Variants in DYNC1LI2 observed in about 807,000 individuals in gnomAD.
DYNC1LI2 encodes cytoplasmic dynein 1 light intermediate chain 2.
A neutral mutation model predicts 57.8 loss-of-function variants in DYNC1LI2; 19 were observed. That is an observed-to-expected ratio of 0.33 (90% CI 0.23 to 0.48). The LOEUF is 0.48. DYNC1LI2 is among the 20% of genes least tolerant of loss of function. DYNC1LI2 has a pLI of 0.99. For synonymous variants in DYNC1LI2, 256 were observed against 233.4 expected (o/e 1.10, Z -0.88); for missense variants, 470 against 604.2 (o/e 0.78, Z 2.33).
intron 3 of DYNC1LI2, 23 bp downstream of exon 3, chr16:66,749,174 C>A: frequency 6.2e-7 from 1 of 1,611,970 alleles, no homozygotes; most frequent in Non-Finnish European, 8.5e-7. Flanking sequence ...ACCCCCTTAC[C>A]ATGGGACCAA....
Position 66,751,334 on chromosome 16 carries a change from C to A in DYNC1LI2, c.120G>T (p.Leu40=). Residue 40 remains leucine, a synonymous_variant, in exon 2 of 13, where the codon CTG becomes CTT. Transcript: ENST00000258198. The surrounding 1 kb of genome is among the most constrained non-coding windows in gnomAD (Gnocchi z 5.2). ...EEGQSLWSSI[L]SEVSTRARSK... is the part of the protein sequence containing the mutation. Reference sequence around the variant, plus strand: ...ACCTGGCGCGGGTGGACACTTCGCTCAGAATGGAGGACCTGTGGCGACAAT... The same window carrying A: ...ACCTGGCGCGGGTGGACACTTCGCTAAGAATGGAGGACCTGTGGCGACAAT... The A allele has an allele frequency of 6.2e-7, 1 of 1,612,134 alleles. No individual in the cohort carries two copies. Among genetic ancestry groups the A allele is most frequent in the Non-Finnish European group, 8.5e-7 (1 of 1,179,070 alleles).
Position 66,725,823 on chromosome 16 carries a change from T to C in DYNC1LI2, c.1378+5A>G. 1 of 1,611,974 alleles carries C rather than the reference T, an allele frequency of 6.2e-7. No individual in the cohort carries two copies. The highest frequency in any genetic ancestry group is 8.5e-7 in the Non-Finnish European group (1 of 1,179,330). On this transcript the variant is annotated splice_donor_5th_base_variant and intron_variant, in intron 12 of 12. Coordinates refer to ENST00000258198, the MANE Select transcript of DYNC1LI2 (RefSeq NM_006141.3). The stretch of plus-strand genomic sequence containing the variant: ...GAGTCACAAGTCTCCAGGGCCCTTC[T>C]GTACCTGACTTCTTGGCTGTGCTCT...
chr16:66,728,381 CA>C, intron 9 of DYNC1LI2, 139 bp from the exon 10 acceptor site: 3 of 931,492 alleles, frequency 3.2e-6, no homozygotes, highest in Admixed American at 2.5e-5. Context: ...CCACAGATGC[CA>C]AAAAATTTTA....
intron 3 of DYNC1LI2, among the ~76,000 whole-genome samples, chr16:66,744,958 G>A (rs1567456942): frequency 6.6e-6 from 1 of 152,042 alleles, no homozygotes; most frequent in Non-Finnish European, 1.5e-5. Context: ...TGTCACCCAG[G>A]TTGGAATGCA....
At chr16:66,740,895 G>A (rs2017824342) in intron 4 of DYNC1LI2, among the ~76,000 whole-genome samples, 2 of 152,178 alleles carry the variant, frequency 1.3e-5, no homozygotes, top group Non-Finnish European at 2.9e-5. Context: ...ATAACCCTCA[G>A]TCTTGTTTAA....
chr16:66,724,113 T>C (rs558109734), intron 12 of DYNC1LI2, among the ~76,000 whole-genome samples: 23 of 152,178 alleles, frequency 1.5e-4, no homozygotes, highest in Non-Finnish European at 2.9e-4. Context: ...GAAAACCCTC[T>C]CACCACCCAA....
At chr16:66,738,556 A>T (rs2017779485) in intron 4 of DYNC1LI2, among the ~76,000 whole-genome samples, 1 of 151,884 alleles carries the variant, frequency 6.6e-6, no homozygotes, top group Admixed American at 6.6e-5. Flanking sequence ...GGCCTACAGC[A>T]TCTCTTTAAT....
At chr16:66,739,834 C>T (rs1158640818) in intron 4 of DYNC1LI2, among the ~76,000 whole-genome samples, 2 of 152,174 alleles carry the variant, frequency 1.3e-5, no homozygotes, top group South Asian at 2.1e-4. Context: ...GATAGTAAAA[C>T]GTGCATTTTT....
At chr16:66,746,671 C>T (rs1027130702) in intron 3 of DYNC1LI2, among the ~76,000 whole-genome samples, 1 of 152,086 alleles carries the variant, frequency 6.6e-6, no homozygotes, top group African/African-American at 2.4e-5. Flanking sequence ...TAGAGATTCA[C>T]AGATTACCTA....
In DYNC1LI2 at chr16:66,730,202, T is replaced by C; in HGVS notation, c.951A>G (p.Glu317=). Residue 317 remains glutamate (E), a synonymous_variant, in exon 8 of 13, where the codon GAA becomes GAG. Transcript: ENST00000258198. The part of the protein sequence containing the change: ...AVFIPAGWDN[E]KKIAILHENF... ...TTTCATGTAAAATAGCTATTTTCTT[T>C]TCATTGTCCCAGCCTGCAGGTCTAA... The C allele has an allele frequency of 6.2e-7, 1 of 1,613,982 alleles. No homozygotes were observed. Among genetic ancestry groups the C allele is most frequent in the South Asian group, 1.1e-5 (1 of 91,060 alleles).
At chr16:66,727,952 G>A in intron 10 of DYNC1LI2, 147 bp from the exon 11 acceptor site, 3 of 866,620 alleles carry the variant, frequency 3.5e-6, no homozygotes, top group African/African-American at 1.7e-5. Context: ...GCCCTTTCTG[G>A]CTCTCTTTCT....
At chr16:66,724,188 G>A (rs1267661712) in intron 12 of DYNC1LI2, among the ~76,000 whole-genome samples, 1 of 152,146 alleles carries the variant, frequency 6.6e-6, no homozygotes, top group Non-Finnish European at 1.5e-5. Flanking sequence ...CAGCAACGAA[G>A]GAAACTATTT....
chr16:66,726,684 C>A (rs1229840664), intron 11 of DYNC1LI2, among the ~76,000 whole-genome samples: 2 of 152,186 alleles, frequency 1.3e-5, no homozygotes, highest in Non-Finnish European at 2.9e-5. Flanking sequence ...CTCTGTCACC[C>A]AGGCTGGAGT....
At chr16:66,734,754 T>C (rs1170485044) in intron 5 of DYNC1LI2, among the ~76,000 whole-genome samples, 1 of 151,864 alleles carries the variant, frequency 6.6e-6, no homozygotes, top group Non-Finnish European at 1.5e-5. Flanking sequence ...CCCAACACTC[T>C]GGGAGGTCAA....
chr16:66,751,240 G>A lies in DYNC1LI2; in HGVS notation c.181+33C>T, dbSNP rs771194059. On this transcript the variant is annotated intron_variant, in intron 2 of 12. Transcript: ENST00000258198. This position sits in a 1 kb window ranked among gnomAD's most constrained non-coding sequence, Gnocchi z 5.2. ...GGGCGCCCGCCTCGCCCACCCCAGCGACCTGGGGCAACGCCCCGCCGCCGG... is the reference window on the plus strand; with the variant it reads ...GGGCGCCCGCCTCGCCCACCCCAGCAACCTGGGGCAACGCCCCGCCGCCGG... 4 of 1,604,914 alleles carry A rather than the reference G, an allele frequency of 2.5e-6. No homozygotes were observed. The South Asian group carries it at 3.3e-5, about 13-fold the overall frequency.
intron 11 of DYNC1LI2, among the ~76,000 whole-genome samples, chr16:66,727,394 TAA>T (rs2017555505): frequency 2.0e-5 from 3 of 152,058 alleles, no homozygotes; most frequent in Non-Finnish European, 4.4e-5. Flanking sequence ...TCTAAAAAAA[TAA>T]AGTTACTATT....
At chr16:66,743,875 G>A (rs564458579) in intron 3 of DYNC1LI2, among the ~76,000 whole-genome samples, 1 of 152,084 alleles carries the variant, frequency 6.6e-6, no homozygotes, top group Non-Finnish European at 1.5e-5. Flanking sequence ...ATTATATTGG[G>A]GAATTAGTAA....
Position 66,742,495 on chromosome 16 carries a change from C to T in DYNC1LI2, c.472G>A (p.Glu158Lys). The T allele has an allele frequency of 6.2e-7, 1 of 1,614,176 alleles. No individual in the cohort carries two copies. The highest frequency in any genetic ancestry group is 2.2e-5 in the East Asian group (1 of 44,886). ...GGAATTTTCATTTTATCAATGTGCT[C>T]ACGTAAAACACTAGCCCATTTCTGC... ...SLQKWASVLR[E>K]HIDKMKIPPE... is the part of the protein sequence containing the mutation. Residue 158 changes from glutamate (E) to lysine (K), a missense_variant, in exon 4 of 13, where the codon GAG (glutamate) becomes AAG (lysine). Glu to Lys is a moderately conservative substitution (Grantham distance 56). Coordinates refer to ENST00000258198, the MANE Select transcript of DYNC1LI2 (RefSeq NM_006141.3).
chr16:66,749,059 T>C (rs1486792989), intron 3 of DYNC1LI2, 138 bp downstream of exon 3: 1 of 824,714 alleles, frequency 1.2e-6, no homozygotes, highest in African/African-American at 1.7e-5. Flanking sequence ...AGATACGTAC[T>C]TCATCTATTC....
Sources: allele counts gnomAD v4.1 joint callset (sites outside exome capture counted in the v4.1 genomes callset), GRCh38; gene constraint gnomAD v4.1.1; non-coding constraint Gnocchi (gnomAD v3.1); transcripts MANE v1.5; gene names NCBI Gene and HGNC (gene_info 2026-07-23, HGNC 2026-07-21).